The following PREX1 variants were observed in gnomAD, a reference collection of about 807,000 sequenced individuals.
The protein encoded by PREX1 is phosphatidylinositol 3,4,5-trisphosphate-dependent Rac exchanger 1 protein.
PREX1 carries 41 observed loss-of-function variants against 198.3 expected under a neutral mutation model. That is an observed-to-expected ratio of 0.21 (90% confidence interval 0.16 to 0.27). The LOEUF is 0.27. PREX1 is among the 10% of genes least tolerant of loss of function. PREX1 has a pLI of 1.00. For missense variants in PREX1, 1,620 were observed against 2,200.7 expected (o/e 0.74, Z 5.28); for synonymous variants, 843 against 887.2 (o/e 0.95, Z 0.89).
At chr20:48,771,358 T>G (rs1391073212) in intron 1 of PREX1, among the ~76,000 whole-genome samples, 2 of 151,882 alleles carry the variant, frequency 1.3e-5, no homozygotes, top group African/African-American at 4.8e-5. Flanking sequence ...TAGGATTTTT[T>G]TCAGCAGTGG....
At chr20:48,680,586 C>T (rs1347851919) in intron 11 of PREX1, among the ~76,000 whole-genome samples, 1 of 152,178 alleles carries the variant, frequency 6.6e-6, no homozygotes, top group Non-Finnish European at 1.5e-5. Flanking sequence ...TCCCTCCCTG[C>T]TATTCCCTGC....
At chr20:48,846,396 C>T in the PREX1 span, among the ~76,000 whole-genome samples, 147 of 152,324 alleles carry the variant, frequency 9.7e-4, no homozygotes, top group African/African-American at 3.3e-3. Flanking sequence ...AACTTGACTT[C>T]TGGCTTGGTG....
intron 1 of PREX1, among the ~76,000 whole-genome samples, chr20:48,826,681 C>A (rs1177457391): frequency 6.6e-6 from 1 of 152,186 alleles, no homozygotes; most frequent in African/African-American, 2.4e-5. Flanking sequence ...ATGGTGAAAT[C>A]CCCTCTCTGA....
At chr20:48,672,049 A>C (rs1247667924) in intron 14 of PREX1, among the ~76,000 whole-genome samples, 1 of 152,184 alleles carries the variant, frequency 6.6e-6, no homozygotes, top group Non-Finnish European at 1.5e-5. Flanking sequence ...CCGAGCCCAC[A>C]ACTCCTCGGC....
Position 48,650,971 on chromosome 20 carries a change from T to C in PREX1, c.2740A>G (p.Met914Val), listed in dbSNP as rs746393157. 35 of 1,614,206 alleles carry C rather than the reference T, an allele frequency of 2.2e-5. No homozygotes were observed. The highest frequency in any genetic ancestry group is 2.9e-5 in the Non-Finnish European group (34 of 1,180,030). Residue 914 changes from methionine (M) to valine (V), a missense_variant, in exon 23 of 40, where the codon ATG becomes GTG. Met to Val is a conservative substitution (Grantham distance 21). Coordinates refer to ENST00000371941, the MANE Select transcript of PREX1 (RefSeq NM_020820.4). ...LMALSSAIVTMPHFEFRNICD... is the reference protein window; with the variant it reads ...LMALSSAIVTVPHFEFRNICD... ...ATGTTGCGGAACTCAAAGTGGGGCATGGTCACGATGGCGCTGCTCAGGGCC... is the reference window on the plus strand; with the variant it reads ...ATGTTGCGGAACTCAAAGTGGGGCACGGTCACGATGGCGCTGCTCAGGGCC...
chr20:48,752,251 C>T (rs531191538), intron 1 of PREX1, among the ~76,000 whole-genome samples: 2 of 152,360 alleles, frequency 1.3e-5, no homozygotes, highest in Admixed American at 6.5e-5. Context: ...CTCATTCCCA[C>T]GCATGCCTCT....
In PREX1 at chr20:48,624,397, CT is replaced by C. The variant is rs2089252826; in HGVS notation, c.*1487del. ...TCCCGCAGCAGGGCTAAAGCGGGTC[CT>C]CCTTTGTCTCTGATGCAAGATACAG... On this transcript the variant is annotated 3_prime_UTR_variant, in exon 40 of 40. Transcript: ENST00000371941. 6.5e-6 allele frequency: 1 copy of C among 152,700 alleles called. No individual in the cohort carries two copies. Among genetic ancestry groups the C allele is most frequent in the Non-Finnish European group, 1.5e-5 (1 of 68,060 alleles). 9.5% of individuals were successfully genotyped at this position (152,700 alleles called of 1,614,324 possible).
the PREX1 span, among the ~76,000 whole-genome samples, chr20:48,865,240 A>T: frequency 6.6e-6 from 1 of 152,222 alleles, no homozygotes; most frequent in Non-Finnish European, 1.5e-5. Context: ...GCCTTTGGCC[A>T]GCAGTTTCAG....
intron 7 of PREX1, among the ~76,000 whole-genome samples, 164 bp from the exon 8 acceptor site, chr20:48,692,954 T>C (rs1172780819): frequency 6.6e-6 from 1 of 152,130 alleles, no homozygotes; most frequent in Non-Finnish European, 1.5e-5. Flanking sequence ...TGGGGTAACT[T>C]GAACAAGTCA....
intron 21 of PREX1, 55 bp from the exon 22 acceptor site, chr20:48,651,638 G>T: frequency 6.5e-7 from 1 of 1,535,344 alleles, no homozygotes. Context: ...GGAGGAAGGC[G>T]AGGCGAGGAG....
intron 3 of PREX1, among the ~76,000 whole-genome samples, chr20:48,738,005 A>G (rs1334193961): frequency 1.3e-5 from 2 of 152,170 alleles, no homozygotes; most frequent in African/African-American, 2.4e-5. Context: ...CGTACAGCAA[A>G]GACAGTTTTG....
chr20:48,846,298 C>T, the PREX1 span, among the ~76,000 whole-genome samples: 3 of 152,138 alleles, frequency 2.0e-5, no homozygotes, highest in Admixed American at 6.5e-5. Flanking sequence ...AGGGAGGATC[C>T]CGCATATAAT....
intron 1 of PREX1, among the ~76,000 whole-genome samples, chr20:48,822,774 C>T (rs535969011): frequency 6.6e-6 from 1 of 152,234 alleles, no homozygotes; most frequent in Admixed American, 6.5e-5. Flanking sequence ...ATATAACACA[C>T]GTGTATATTA....
At chr20:48,862,807 A>ATATATATATATATATATATATGTG in the PREX1 span, among the ~76,000 whole-genome samples, 1 of 126,706 alleles carries the variant, frequency 7.9e-6, no homozygotes, top group African/African-American at 3.2e-5. Context: ...ATATATATAT[A>ATATATATATATATATATATATGTG]TATATACTAA....
chr20:48,755,399 A>C (rs765663986), intron 1 of PREX1, among the ~76,000 whole-genome samples: 59 of 152,296 alleles, frequency 3.9e-4, no homozygotes, highest in Middle Eastern at 3.4e-3. Flanking sequence ...AAAAATAAGG[A>C]CTGTATTTCC....
chr20:48,801,069 AAT>A (rs1359855563), intron 1 of PREX1, among the ~76,000 whole-genome samples: 43 of 152,322 alleles, frequency 2.8e-4, no homozygotes, highest in African/African-American at 1.0e-3. Flanking sequence ...AAATGGGGAT[AAT>A]AAGAATCCTT....
chr20:48,669,156 C>T (rs536222848), intron 14 of PREX1, among the ~76,000 whole-genome samples: 2 of 152,120 alleles, frequency 1.3e-5, no homozygotes, highest in South Asian at 4.2e-4. Flanking sequence ...CTCCCCCACC[C>T]GCCTGCCCAC....
chr20:48,698,654 A>G (rs2089859401), intron 7 of PREX1, among the ~76,000 whole-genome samples: 2 of 152,198 alleles, frequency 1.3e-5, no homozygotes, highest in African/African-American at 4.8e-5. Flanking sequence ...AGATAGCGGA[A>G]GCAGGAGGTC....
intron 5 of PREX1, among the ~76,000 whole-genome samples, chr20:48,722,613 G>T (rs2089991181): frequency 6.6e-6 from 1 of 152,208 alleles, no homozygotes; most frequent in African/African-American, 2.4e-5. Flanking sequence ...AAGTCTAGAT[G>T]GGTAAACAAA....
Sources: allele counts gnomAD v4.1 joint callset (sites outside exome capture counted in the v4.1 genomes callset), GRCh38; gene constraint gnomAD v4.1.1; transcripts MANE v1.5; gene names NCBI Gene and HGNC (gene_info 2026-07-23, HGNC 2026-07-21).